TMCC1: variants seen among roughly 807,000 people sequenced by gnomAD.
TMCC1 encodes transmembrane and coiled-coil domain family 1, also known as transmembrane and coiled-coil domains protein 1.
A neutral mutation model predicts 52.4 loss-of-function variants in TMCC1; 15 were observed. The observed-to-expected ratio is 0.29, with a 90% confidence interval of 0.19 to 0.44. TMCC1 has a LOEUF of 0.44. TMCC1 is among the 20% of genes least tolerant of loss of function. The pLI is 1.00. For synonymous variants in TMCC1, 279 were observed against 301.9 expected (o/e 0.92, Z 0.79); for missense variants, 503 against 806.0 (o/e 0.62, Z 4.55).
chr3:129,836,879 G>T (rs114326337), intron 2 of TMCC1, among the ~76,000 whole-genome samples: 110 of 152,318 alleles, frequency 7.2e-4, no homozygotes, highest in Non-Finnish European at 1.5e-3. Flanking sequence ...AGGAAGTAGA[G>T]AAAGCTCCTC....
chr3:129,871,506 A>G (rs2060928732), intron 2 of TMCC1, among the ~76,000 whole-genome samples: 1 of 152,036 alleles, frequency 6.6e-6, no homozygotes, highest in African/African-American at 2.4e-5. Flanking sequence ...TTTTAGTATC[A>G]TTTATAAATT....
At chr3:129,802,603 T>C (rs2057257424) in intron 4 of TMCC1, among the ~76,000 whole-genome samples, 1 of 152,142 alleles carries the variant, frequency 6.6e-6, no homozygotes, top group Admixed American at 6.5e-5. Flanking sequence ...TGAAACCTCA[T>C]CTCTTAAAAA....
chr3:129,663,064 G>T (rs1046441647), intron 5 of TMCC1, among the ~76,000 whole-genome samples: 1 of 152,146 alleles, frequency 6.6e-6, no homozygotes, highest in Admixed American at 6.5e-5. Flanking sequence ...TACTAAACTT[G>T]AAAGTGTTTT....
At chr3:129,660,707 C>T (rs1278193737) in intron 5 of TMCC1, among the ~76,000 whole-genome samples, 6 of 152,176 alleles carry the variant, frequency 3.9e-5, no homozygotes, top group Non-Finnish European at 4.4e-5. Flanking sequence ...TCCAAACTTT[C>T]CTTTGTACTG....
chr3:129,860,684 C>T (rs1349997738), intron 2 of TMCC1, among the ~76,000 whole-genome samples: 2 of 151,932 alleles, frequency 1.3e-5, no homozygotes, highest in Non-Finnish European at 2.9e-5. Flanking sequence ...ACTGCTACCT[C>T]TGCCTCCCCT....
chr3:129,671,383 T>C, intron 4 of TMCC1, 119 bp from the exon 5 acceptor site: 1 of 1,079,956 alleles, frequency 9.3e-7, no homozygotes, highest in East Asian at 2.6e-5. Context: ...AACTGACCTA[T>C]AATTCCCCCT....
intron 2 of TMCC1, among the ~76,000 whole-genome samples, chr3:129,879,116 C>G (rs1417645793): frequency 2.0e-5 from 3 of 152,140 alleles, no homozygotes; most frequent in African/African-American, 7.2e-5. Flanking sequence ...AATTTGTCAT[C>G]ATAAATTTAA....
chr3:129,677,281 T>C (rs897117443), intron 4 of TMCC1, among the ~76,000 whole-genome samples: 1 of 152,148 alleles, frequency 6.6e-6, no homozygotes, highest in African/African-American at 2.4e-5. Context: ...ACTCAGGCTA[T>C]AATATTCAAG....
In TMCC1 at chr3:129,651,655, G is replaced by T; in HGVS notation, c.1788C>A (p.Val596=). The T allele has an allele frequency of 6.2e-7, 1 of 1,614,246 alleles. No individual in the cohort carries two copies. The highest frequency in any genetic ancestry group is 1.1e-5 in the South Asian group (1 of 91,090). ...LGKLINILLA[V]MAVLLVFVST... ...AGACAAAGACCAAAAGGACTGCCATGACAGCCAGGAGGATGTTGATGAGTT... is the reference window on the plus strand; with the variant it reads ...AGACAAAGACCAAAAGGACTGCCATTACAGCCAGGAGGATGTTGATGAGTT... Residue 596 remains valine (V), a synonymous_variant, in exon 7 of 7, where the codon GTC becomes GTA. Transcript: ENST00000393238. The surrounding 1 kb of genome is among the most constrained non-coding windows in gnomAD (Gnocchi z 5.1).
At chr3:129,858,812 T>A (rs558510051) in intron 2 of TMCC1, among the ~76,000 whole-genome samples, 1 of 152,222 alleles carries the variant, frequency 6.6e-6, no homozygotes, top group Non-Finnish European at 1.5e-5. Context: ...AAAACCTGAA[T>A]ATGTTTTGCC....
chr3:129,707,881 G>A (rs1348831904), intron 4 of TMCC1, among the ~76,000 whole-genome samples: 2 of 150,996 alleles, frequency 1.3e-5, no homozygotes, highest in East Asian at 2.0e-4. Flanking sequence ...GCAGCGAGCC[G>A]AGATCACACC....
At chr3:129,807,843 G>T (rs969576409) in intron 4 of TMCC1, among the ~76,000 whole-genome samples, 1 of 152,132 alleles carries the variant, frequency 6.6e-6, no homozygotes. Context: ...AAGGCTCATA[G>T]AGTGTACATT....
intron 4 of TMCC1, among the ~76,000 whole-genome samples, chr3:129,807,363 ACAGAATAT>A (rs1376464904): frequency 3.3e-5 from 5 of 152,320 alleles, no homozygotes; most frequent in African/African-American, 1.2e-4. Context: ...AATATAAAAT[ACAGAATAT>A]AAAAATATTG....
At chr3:129,823,461 A>C (rs72987354) in intron 4 of TMCC1, among the ~76,000 whole-genome samples, 6,180 of 152,244 alleles carry the variant, frequency 0.041, 411 homozygotes, top group African/African-American at 0.14. Flanking sequence ...CCTGAAGTAC[A>C]AAAGTTCAAA....
chr3:129,886,823 G>A (rs1291635532), intron 1 of TMCC1, among the ~76,000 whole-genome samples: 4 of 151,928 alleles, frequency 2.6e-5, no homozygotes, highest in Non-Finnish European at 5.9e-5. Context: ...TGTAATCCCA[G>A]CTACTCGGGA....
intron 5 of TMCC1, among the ~76,000 whole-genome samples, chr3:129,659,097 T>C (rs2086854815): frequency 6.9e-6 from 1 of 145,376 alleles, no homozygotes; most frequent in Non-Finnish European, 1.5e-5. Context: ...TTTCTTTCTT[T>C]TTTTTTTTTT....
At chr3:129,746,737 T>A (rs1472134939) in intron 4 of TMCC1, among the ~76,000 whole-genome samples, 44 of 152,214 alleles carry the variant, frequency 2.9e-4, no homozygotes, top group Admixed American at 2.9e-3. Flanking sequence ...TAAAATTCCC[T>A]ATACCTAATT....
chr3:129,691,305 T>G (rs1291899253), intron 4 of TMCC1, among the ~76,000 whole-genome samples: 1 of 152,170 alleles, frequency 6.6e-6, no homozygotes, highest in Non-Finnish European at 1.5e-5. Flanking sequence ...CCCAGCACTT[T>G]AGGAAGGCTG....
chr3:129,721,521 C>T (rs1429983616), intron 4 of TMCC1, among the ~76,000 whole-genome samples: 1 of 151,934 alleles, frequency 6.6e-6, no homozygotes, highest in South Asian at 2.1e-4. Context: ...CTTCTCAAAT[C>T]CTGCCTTCAA....
Sources: gnomAD v4.1 joint callset for allele counts (sites outside exome capture counted in the v4.1 genomes callset) on GRCh38, gnomAD v4.1.1 for gene constraint, Gnocchi (gnomAD v3.1) non-coding constraint, MANE v1.5 for transcripts, NCBI Gene and HGNC (gene_info 2026-07-23, HGNC 2026-07-21) for gene names.